The following SORCS2 variants were observed in gnomAD, a reference collection of about 807,000 sequenced individuals.
SORCS2 encodes the protein sortilin related VPS10 domain containing receptor 2, also known as VPS10 domain-containing receptor SorCS2.
SORCS2 carries 100 observed loss-of-function variants against 141.6 expected under a neutral mutation model. That is an observed-to-expected ratio of 0.71 (90% CI 0.60 to 0.83). SORCS2 has a LOEUF of 0.83. SORCS2 is among the 40% of genes least tolerant of loss of function. The pLI, the probability that SORCS2 is intolerant of heterozygous loss-of-function variation, is 0.00. For synonymous variants in SORCS2, 789 were observed against 676.9 expected (o/e 1.17, Z -2.57); for missense variants, 1,646 against 1,560.2 (o/e 1.05, Z -0.93).
chr4:7,661,009 C>T (rs1722126070), intron 5 of SORCS2, among the ~76,000 whole-genome samples: 2 of 152,148 alleles, frequency 1.3e-5, no homozygotes, highest in Non-Finnish European at 1.5e-5. Flanking sequence ...CACTGTATGG[C>T]TCTGGGAGAG....
At chr4:7,543,293 G>T (rs1712824166) in intron 3 of SORCS2, among the ~76,000 whole-genome samples, 1 of 152,112 alleles carries the variant, frequency 6.6e-6, no homozygotes, top group Non-Finnish European at 1.5e-5. Context: ...CCGTTCATCT[G>T]TTGACTCATT....
At chr4:7,588,216 G>A (rs1330303802) in intron 3 of SORCS2, among the ~76,000 whole-genome samples, 1 of 152,202 alleles carries the variant, frequency 6.6e-6, no homozygotes, top group Non-Finnish European at 1.5e-5. Flanking sequence ...AAACCGCATT[G>A]AGAGCCCATT....
chr4:7,388,640 C>T (rs571789876), intron 1 of SORCS2, among the ~76,000 whole-genome samples: 1 of 152,096 alleles, frequency 6.6e-6, no homozygotes, highest in Non-Finnish European at 1.5e-5. Context: ...GAGGTGAATA[C>T]AGATTGTTTT....
Position 7,450,172 on chromosome 4 carries a change from T to C in SORCS2, c.548+53817T>C, listed in dbSNP as rs73086386. Among the ~76,000 whole-genome samples, 1,117 of 152,290 alleles carry C rather than the reference T, an allele frequency of 7.3e-3. 19 individuals are homozygous for C. Among genetic ancestry groups the C allele is most frequent in the African/African-American group, 0.026 (1,070 of 41,560 alleles). On this transcript the variant is annotated intron_variant, in intron 2 of 26. Coordinates refer to ENST00000507866, the MANE Select transcript of SORCS2 (RefSeq NM_020777.3). The stretch of plus-strand genomic sequence containing the variant: ...CCCCAGTGCCTCAGCCTCAGTGTCC[T>C]CATCTGTGTCTGGGGTACTTTCTGG...
chr4:7,268,893 G>A (rs1188418650), intron 1 of SORCS2, among the ~76,000 whole-genome samples: 1 of 152,136 alleles, frequency 6.6e-6, no homozygotes, highest in Non-Finnish European at 1.5e-5. Flanking sequence ...CTGATACTCA[G>A]GGCATTTTAG....
At chr4:7,643,663 A>T (rs933298598) in intron 4 of SORCS2, among the ~76,000 whole-genome samples, 1 of 152,240 alleles carries the variant, frequency 6.6e-6, no homozygotes, top group African/African-American at 2.4e-5. Flanking sequence ...ATGATCACAT[A>T]TGACAAGAAA....
chr4:7,639,256 G>A (rs927592169), intron 4 of SORCS2, among the ~76,000 whole-genome samples: 1 of 152,236 alleles, frequency 6.6e-6, no homozygotes, highest in Non-Finnish European at 1.5e-5. Context: ...AGATCAAAGT[G>A]TCAGTGGAGC....
At chr4:7,249,290 C>T (rs922644389) in intron 1 of SORCS2, among the ~76,000 whole-genome samples, 1 of 152,176 alleles carries the variant, frequency 6.6e-6, no homozygotes, top group Non-Finnish European at 1.5e-5. Flanking sequence ...GTGTCACTCT[C>T]TCTCCTGCAG....
At chr4:7,609,471 A>G (rs1718267785) in intron 3 of SORCS2, among the ~76,000 whole-genome samples, 1 of 152,094 alleles carries the variant, frequency 6.6e-6, no homozygotes, top group Non-Finnish European at 1.5e-5. Context: ...TCAACTGCCA[A>G]TTCAGACCCT....
At position 7,237,780 on chromosome 4, in the gene SORCS2, A is replaced by G. The variant is rs551841822; in HGVS notation, c.480+44654A>G. 5.9e-5 allele frequency among the ~76,000 whole-genome samples: 9 copies of G among 152,208 alleles called. No individual in the cohort carries two copies. In the South Asian group the frequency reaches 1.9e-3, roughly 32 times the overall value. On this transcript the variant is annotated intron_variant, in intron 1 of 26. Coordinates refer to ENST00000507866, the MANE Select transcript of SORCS2 (RefSeq NM_020777.3). ...CCTGATTGACAAAGCTCTTTGGAAC[A>G]GGCAGAACGATGGGCCCAAGGAGGG...
intron 1 of SORCS2, among the ~76,000 whole-genome samples, chr4:7,232,956 C>T (rs1281199897): frequency 1.3e-5 from 2 of 152,202 alleles, no homozygotes; most frequent in African/African-American, 4.8e-5. Context: ...CTGTCAGAGA[C>T]AAGGTGTCAG....
intron 2 of SORCS2, among the ~76,000 whole-genome samples, chr4:7,407,990 T>C (rs2093970300): frequency 6.6e-6 from 1 of 152,152 alleles, no homozygotes; most frequent in South Asian, 2.1e-4. Flanking sequence ...TTTTTACTTT[T>C]AGTTGTTTCA....
At chr4:7,341,174 G>T (rs192228551) in intron 1 of SORCS2, among the ~76,000 whole-genome samples, 154 of 152,368 alleles carry the variant, frequency 1.0e-3, no homozygotes, top group Non-Finnish European at 2.1e-3. Context: ...AAATGTTGGC[G>T]GATGGAAGCA....
intron 2 of SORCS2, among the ~76,000 whole-genome samples, chr4:7,409,751 C>G (rs531669185): frequency 6.6e-6 from 1 of 152,318 alleles, no homozygotes; most frequent in South Asian, 2.1e-4. Context: ...TGCTCTGAGT[C>G]TTTTCACTTC....
At chr4:7,235,133 C>T (rs1193328518) in intron 1 of SORCS2, among the ~76,000 whole-genome samples, 8 of 152,232 alleles carry the variant, frequency 5.3e-5, no homozygotes, top group Admixed American at 4.6e-4. Flanking sequence ...CCTGGAGCCT[C>T]GGTGTCCTTG....
intron 3 of SORCS2, among the ~76,000 whole-genome samples, chr4:7,543,512 CA>C (rs1560372555): frequency 7.4e-6 from 1 of 134,848 alleles, no homozygotes; most frequent in Non-Finnish European, 1.6e-5. Context: ...TCCATCCATC[CA>C]TCCATCCGTC....
At position 7,648,032 on chromosome 4, in the gene SORCS2, T is replaced by C. The variant is rs1577893418; in HGVS notation, c.814-6102T>C. Reference sequence around the variant, plus strand: ...CTAGGGGAGGCAGGAGCAGCCGAGGTGGAGTGGGGAAGTGGGGTGGCCTGA... The same window carrying C: ...CTAGGGGAGGCAGGAGCAGCCGAGGCGGAGTGGGGAAGTGGGGTGGCCTGA... On this transcript the variant is annotated intron_variant, in intron 4 of 26. Transcript: ENST00000507866. The surrounding 1 kb of genome is among the most constrained non-coding windows in gnomAD (Gnocchi z 4.2). Among the ~76,000 whole-genome samples the C allele has an allele frequency of 6.7e-6, 1 of 150,232 alleles. No individual in the cohort carries two copies. The highest frequency in any genetic ancestry group is 2.1e-4 in the South Asian group (1 of 4,658).
At chr4:7,253,922 A>T (rs772442621) in intron 1 of SORCS2, among the ~76,000 whole-genome samples, 1 of 152,236 alleles carries the variant, frequency 6.6e-6, no homozygotes, top group Non-Finnish European at 1.5e-5. Context: ...ATATGAAAAA[A>T]ATCTCAGCAT....
intron 3 of SORCS2, among the ~76,000 whole-genome samples, chr4:7,617,044 A>G (rs17368278): frequency 0.035 from 5,307 of 152,346 alleles, 127 homozygotes; most frequent in Non-Finnish European, 0.048. Flanking sequence ...AGGGTTCAGC[A>G]ACATGGACCT....
Sources: gnomAD v4.1 joint callset for allele counts (sites outside exome capture counted in the v4.1 genomes callset) on GRCh38, gnomAD v4.1.1 for gene constraint, Gnocchi (gnomAD v3.1) non-coding constraint, MANE v1.5 for transcripts, NCBI Gene and HGNC (gene_info 2026-07-23, HGNC 2026-07-21) for gene names.